SIK3: variants seen among roughly 807,000 people sequenced by gnomAD.
SIK3 encodes SIK family kinase 3, also known as serine/threonine-protein kinase SIK3.
Under a neutral mutation model 144.2 loss-of-function variants are expected in SIK3, and 28 were observed. The ratio of observed to expected loss-of-function variants is 0.19; its 90% CI spans 0.14 to 0.27. The LOEUF is 0.27. Among genes scored for constraint, SIK3 ranks in the 10% least tolerant of loss-of-function variants. SIK3 has a pLI of 1.00. For synonymous variants in SIK3, 686 were observed against 676.3 expected (o/e 1.01, Z -0.22); for missense variants, 1,319 against 1,776.0 (o/e 0.74, Z 4.62).
intron 15 of SIK3, chr11:116,864,432 A>C (rs534780453): frequency 6.6e-5 from 10 of 152,382 alleles, no homozygotes; most frequent in African/African-American, 2.4e-4. Flanking sequence ...CTGGTCAACA[A>C]ATAAGGTCAC....
chr11:116,875,631 G>T, intron 9 of SIK3, 180 bp from the exon 10 acceptor site: 1 of 801,114 alleles, frequency 1.2e-6, no homozygotes, highest in Non-Finnish European at 1.9e-6. Flanking sequence ...ATCGCCTCAT[G>T]ATTTGCTATT....
intron 1 of SIK3, among the ~76,000 whole-genome samples, chr11:117,012,788 T>C (rs1402873918): frequency 2.0e-5 from 3 of 151,278 alleles, no homozygotes; most frequent in Admixed American, 2.0e-4. Context: ...CAACAAATAC[T>C]ATATTTTCAC....
chr11:117,009,955 A>T (rs1056798815), intron 1 of SIK3, among the ~76,000 whole-genome samples: 5 of 152,152 alleles, frequency 3.3e-5, no homozygotes, highest in Non-Finnish European at 5.9e-5. Flanking sequence ...CATTTTGAAG[A>T]TGCATCTGGA....
At chr11:116,976,574 C>T (rs1446851379) in intron 1 of SIK3, among the ~76,000 whole-genome samples, 1 of 152,124 alleles carries the variant, frequency 6.6e-6, no homozygotes, top group Non-Finnish European at 1.5e-5. Flanking sequence ...TGAATCTATC[C>T]CATTTATCTG....
chr11:116,956,181 C>T (rs1435527175), intron 2 of SIK3, among the ~76,000 whole-genome samples: 1 of 152,122 alleles, frequency 6.6e-6, no homozygotes, highest in Non-Finnish European at 1.5e-5. Flanking sequence ...CGAAGCCCCA[C>T]CTCTCCCAAA....
chr11:116,917,023 T>C (rs1455323144), intron 4 of SIK3, among the ~76,000 whole-genome samples: 4 of 151,840 alleles, frequency 2.6e-5, no homozygotes, highest in African/African-American at 9.7e-5. Flanking sequence ...GGTGTAATCA[T>C]AGCTTACTGC....
At chr11:116,925,624 A>G (rs765443989) in intron 4 of SIK3, among the ~76,000 whole-genome samples, 3 of 152,238 alleles carry the variant, frequency 2.0e-5, no homozygotes, top group Non-Finnish European at 4.4e-5. Context: ...TATAGTAATA[A>G]TAAGACACTA....
At chr11:117,092,639 C>CA (rs1426943360) in intron 1 of SIK3, among the ~76,000 whole-genome samples, 2 of 152,080 alleles carry the variant, frequency 1.3e-5, no homozygotes, top group African/African-American at 4.8e-5. Context: ...TGGAACCTGA[C>CA]AAAAAATTTT....
At chr11:116,850,214 ACTACC>A (rs899233111) in intron 21 of SIK3, among the ~76,000 whole-genome samples, 2 of 152,098 alleles carry the variant, frequency 1.3e-5, no homozygotes, top group African/African-American at 2.4e-5. Context: ...ATCCCCTACT[ACTACC>A]CTACAAAGAC....
At chr11:117,053,912 G>A (rs570870467) in intron 1 of SIK3, among the ~76,000 whole-genome samples, 114 of 152,190 alleles carry the variant, frequency 7.5e-4, no homozygotes, top group African/African-American at 2.7e-3. Context: ...CTTCCAAAGT[G>A]CTGGGATTAC....
chr11:116,900,869 T>TA (rs981086403), intron 4 of SIK3, among the ~76,000 whole-genome samples: 2 of 148,510 alleles, frequency 1.3e-5, no homozygotes, highest in Non-Finnish European at 3.0e-5. Flanking sequence ...TTATTTATTT[T>TA]TTTTTTTTTT....
chr11:116,945,029 G>A (rs983316768), intron 3 of SIK3, among the ~76,000 whole-genome samples: 1 of 151,172 alleles, frequency 6.6e-6, no homozygotes, highest in Non-Finnish European at 1.5e-5. Context: ...GCTGGATCTC[G>A]ACTCACTGCA....
rs200333293 is a variant in SIK3, at chr11:116,927,586, TG to T, written c.455-207del. Among the ~76,000 whole-genome samples, 6 of 152,236 alleles carry T rather than the reference TG, an allele frequency of 3.9e-5. No homozygotes were observed. The East Asian group carries it at 1.2e-3, about 29-fold the overall frequency. On this transcript the variant is annotated intron_variant, in intron 3 of 24. Transcript: ENST00000445177. ...TCCAAACTATTTTAAGTATAAATCC[TG>T]TTATACAAAAGTATGCATAAGAACA...
chr11:116,862,638 CT>C (rs962443883), intron 16 of SIK3, among the ~76,000 whole-genome samples: 4 of 152,190 alleles, frequency 2.6e-5, no homozygotes, highest in Non-Finnish European at 5.9e-5. Flanking sequence ...AGGAAATTGG[CT>C]CTTTATAGAA....
At chr11:116,950,295 G>A (rs892505468) in intron 3 of SIK3, 1 of 359,336 alleles carries the variant, frequency 2.8e-6, no homozygotes, top group Non-Finnish European at 5.8e-6. Context: ...GGAGAGAATT[G>A]AGGAGAAGTG....
intron 3 of SIK3, among the ~76,000 whole-genome samples, chr11:116,927,867 C>T (rs1354659468): frequency 6.6e-6 from 1 of 152,220 alleles, no homozygotes; most frequent in Non-Finnish European, 1.5e-5. Flanking sequence ...ACAGAGCACT[C>T]TGTTTAGGTT....
intron 4 of SIK3, among the ~76,000 whole-genome samples, chr11:116,902,206 T>G (rs1438790166): frequency 6.6e-6 from 1 of 152,180 alleles, no homozygotes; most frequent in South Asian, 2.1e-4. Flanking sequence ...CAATGGAGCA[T>G]GCAACAGGCT....
At chr11:116,894,314 T>C (rs1945282653) in intron 6 of SIK3, among the ~76,000 whole-genome samples, 1 of 152,204 alleles carries the variant, frequency 6.6e-6, no homozygotes, top group South Asian at 2.1e-4. Context: ...CTATTATCTA[T>C]ACACTGGGGA....
chr11:116,886,318 G>A (rs998222344), intron 6 of SIK3, among the ~76,000 whole-genome samples: 4 of 152,148 alleles, frequency 2.6e-5, no homozygotes, highest in Non-Finnish European at 4.4e-5. Flanking sequence ...TGAGCCCCTC[G>A]GTATATGGAG....
Sources: allele counts gnomAD v4.1 joint callset (sites outside exome capture counted in the v4.1 genomes callset), GRCh38; gene constraint gnomAD v4.1.1; transcripts MANE v1.5; gene names NCBI Gene and HGNC (gene_info 2026-07-23, HGNC 2026-07-21).